Variants in ZCRB1 observed in about 807,000 individuals in gnomAD.
ZCRB1 encodes the protein zinc finger CCHC-type and RNA-binding motif-containing protein 1.
ZCRB1 carries 21 observed loss-of-function variants against 29.9 expected under a neutral mutation model. The ratio of observed to expected loss-of-function variants is 0.70; its 90% confidence interval spans 0.50 to 1.01. The LOEUF is 1.01. Ranked by LOEUF, ZCRB1 falls within the 50% of genes least tolerant of loss-of-function variation. The pLI is 0.00. For missense variants in ZCRB1, 204 were observed against 253.3 expected, an observed-to-expected ratio of 0.81 and a Z score of 1.32; for synonymous variants, 77 against 80.0, an observed-to-expected ratio of 0.96 and a Z score of 0.20.
chr12:42,323,982 T>C, intron 2 of ZCRB1, 37 bp downstream of exon 2: 1 of 1,539,034 alleles, frequency 6.5e-7, no homozygotes, highest in Admixed American at 1.7e-5. Flanking sequence ...AGGTTATCTG[T>C]ATCTCAAATA....
intron 3 of ZCRB1, among the ~76,000 whole-genome samples, chr12:42,319,003 G>C (rs2068608367): frequency 6.6e-6 from 1 of 152,122 alleles, no homozygotes; most frequent in South Asian, 2.1e-4. Context: ...GCCAAGGGAT[G>C]ACTGGTGAAT....
intron 2 of ZCRB1, among the ~76,000 whole-genome samples, 162 bp from the exon 3 acceptor site, chr12:42,322,608 A>G (rs1418236113): frequency 1.3e-5 from 2 of 152,232 alleles, no homozygotes; most frequent in Non-Finnish European, 2.9e-5. Flanking sequence ...GGTTACTAGA[A>G]TAATATACTT....
At chr12:42,319,652 G>T (rs1274444909) in intron 3 of ZCRB1, among the ~76,000 whole-genome samples, 1 of 152,044 alleles carries the variant, frequency 6.6e-6, no homozygotes, top group African/African-American at 2.4e-5. Context: ...AGCTTCAACT[G>T]GATATAATTT....
At chr12:42,321,582 A>G (rs2068621427) in intron 3 of ZCRB1, among the ~76,000 whole-genome samples, 1 of 152,218 alleles carries the variant, frequency 6.6e-6, no homozygotes, top group Non-Finnish European at 1.5e-5. Flanking sequence ...CCAAAAATTT[A>G]CACAGAAGCA....
Position 42,325,972 on chromosome 12 carries a change from T to C in ZCRB1, c.-51A>G, listed in dbSNP as rs900996893. ...GACCAGAAGAGTGCGAGCCCTCGGC[T>C]CAGCTGGGGCTCAACCCCGACTCTT... is the stretch of plus-strand genomic sequence containing the variant. On this transcript the variant is annotated 5_prime_UTR_variant, in exon 1 of 8. Transcript: ENST00000266529. 2 of 152,278 alleles carry C rather than the reference T, an allele frequency of 1.3e-5. No individual in the cohort carries two copies. The highest frequency in any genetic ancestry group is 4.8e-5 in the African/African-American group (2 of 41,448). 9.4% of individuals were successfully genotyped at this position (152,278 alleles called of 1,614,324 possible).
intron 5 of ZCRB1, 55 bp from the exon 6 acceptor site, chr12:42,314,041 A>G (rs946549951): frequency 3.2e-6 from 5 of 1,546,426 alleles, no homozygotes; most frequent in African/African-American, 1.4e-5. Flanking sequence ...TGTTATTTAT[A>G]AAAACTTGCC....
rs1335199668 is a variant in ZCRB1, at chr12:42,312,242, T to C, written c.*825A>G. On this transcript the variant is annotated 3_prime_UTR_variant, in exon 8 of 8. Transcript: ENST00000266529. ...ATATAGAAATATACAAAGCAGAAAATTAAAGGCTCTCTAATCCCATTACCA... is the reference window on the plus strand; with the variant it reads ...ATATAGAAATATACAAAGCAGAAAACTAAAGGCTCTCTAATCCCATTACCA... 6.6e-6 allele frequency: 1 copy of C among 152,020 alleles called. No homozygotes were observed. Among genetic ancestry groups the C allele is most frequent in the Non-Finnish European group, 1.5e-5 (1 of 67,976 alleles). The allele number at this position is 152,020 out of a possible 1,614,324, so 9.4% of individuals were successfully genotyped here. A position where few individuals can be genotyped will look rare whatever the true frequency, so the allele number is the denominator to read the frequency against.
chr12:42,316,406 T>A (rs2068594887), intron 5 of ZCRB1, among the ~76,000 whole-genome samples: 1 of 152,174 alleles, frequency 6.6e-6, no homozygotes, highest in Non-Finnish European at 1.5e-5. Context: ...GGCCTGTTTC[T>A]TAAGTATTTT....
At chr12:42,313,835 G>C in intron 6 of ZCRB1, 39 bp downstream of exon 6, 1 of 1,609,660 alleles carries the variant, frequency 6.2e-7, no homozygotes, top group Non-Finnish European at 8.5e-7. Flanking sequence ...AAAGACAAAA[G>C]CAACATGATG....
intron 1 of ZCRB1, chr12:42,325,641 C>T (rs1265333292): frequency 6.6e-6 from 1 of 151,926 alleles, no homozygotes; most frequent in African/African-American, 2.4e-5. Flanking sequence ...AAAATACTGA[C>T]TCTATGGCAT....
intron 3 of ZCRB1, among the ~76,000 whole-genome samples, 191 bp downstream of exon 3, chr12:42,322,226 AT>A (rs3834716): frequency 0.15 from 22,906 of 152,124 alleles, 1,792 homozygotes; most frequent in Admixed American, 0.2. Flanking sequence ...TATGTATGTA[AT>A]AGTCTTTAAG....
chr12:42,321,722 T>C (rs770825381), intron 3 of ZCRB1, among the ~76,000 whole-genome samples: 2 of 152,246 alleles, frequency 1.3e-5, no homozygotes. Flanking sequence ...ATAAATATGC[T>C]CAAAATTCTT....
chr12:42,319,115 TATC>T (rs1463010889), intron 3 of ZCRB1, among the ~76,000 whole-genome samples: 2 of 152,176 alleles, frequency 1.3e-5, no homozygotes, highest in African/African-American at 4.8e-5. Context: ...TTGTGAAAGT[TATC>T]AGTCTTTTTT....
intron 4 of ZCRB1, 129 bp downstream of exon 4, chr12:42,317,658 A>G (rs887915488): frequency 5.7e-5 from 49 of 854,766 alleles, no homozygotes; most frequent in African/African-American, 2.9e-4. Flanking sequence ...TTTTCTTTCT[A>G]TAAGTTAGAT....
intron 3 of ZCRB1, among the ~76,000 whole-genome samples, chr12:42,321,907 T>A (rs2068623482): frequency 6.6e-6 from 1 of 152,200 alleles, no homozygotes; most frequent in Non-Finnish European, 1.5e-5. Context: ...CATTACCATT[T>A]TTGCATGTTT....
Position 42,317,346 on chromosome 12 carries a change from T to C in ZCRB1, c.327A>G (p.Glu109=). ...RNYFDKSKCY[E]CGESGHLSYA... is the part of the protein sequence containing the mutation. ...AAGTTTTAGGTTTACTTACCCCACA[T>C]TCATAACACTTAGATTTATCAAAGT... Residue 109 remains glutamate, a synonymous_variant, in exon 5 of 8, where the codon GAA becomes GAG. Coordinates refer to ENST00000266529, the MANE Select transcript of ZCRB1 (RefSeq NM_033114.4). 6.2e-7 allele frequency: 1 copy of C among 1,607,160 alleles called. No homozygotes were observed. Among genetic ancestry groups the C allele is most frequent in the African/African-American group, 1.3e-5 (1 of 74,800 alleles).
chr12:42,325,221 A>G (rs1249143358), intron 1 of ZCRB1: 3 of 152,198 alleles, frequency 2.0e-5, no homozygotes, highest in East Asian at 3.9e-4. Flanking sequence ...TATGCTGTGC[A>G]TGCCTGTACT....
At chr12:42,313,263 A>G in intron 7 of ZCRB1, 65 bp from the exon 8 acceptor site, 1 of 1,513,082 alleles carries the variant, frequency 6.6e-7, no homozygotes, top group Admixed American at 2.0e-5. Flanking sequence ...TCATTAATTC[A>G]AAACATGGCA....
chr12:42,315,128 G>C (rs2068588746), intron 5 of ZCRB1, among the ~76,000 whole-genome samples: 1 of 152,180 alleles, frequency 6.6e-6, no homozygotes, highest in Non-Finnish European at 1.5e-5. Context: ...GTACTGTAAA[G>C]GTAAAATACA....
Sources: gnomAD v4.1 joint callset for allele counts (sites outside exome capture counted in the v4.1 genomes callset) on GRCh38, gnomAD v4.1.1 for gene constraint, MANE v1.5 for transcripts, NCBI Gene and HGNC (gene_info 2026-07-23, HGNC 2026-07-21) for gene names.